The following NAPG variants were observed in gnomAD, a reference collection of about 807,000 sequenced individuals.
NAPG encodes gamma-soluble NSF attachment protein.
NAPG carries 25 observed loss-of-function variants against 48.4 expected under a neutral mutation model. The ratio of observed to expected loss-of-function variants is 0.52; its 90% CI spans 0.38 to 0.72. The LOEUF (loss-of-function observed/expected upper bound fraction) is 0.72, where lower values mean the gene tolerates loss of function less well. Among genes scored for constraint, NAPG ranks in the 30% least tolerant of loss-of-function variants. The probability of loss-of-function intolerance (pLI) is 0.00; values close to 1 mark genes in which losing one functional copy is unlikely to be tolerated. For synonymous variants in NAPG, 139 were observed against 127.2 expected (o/e 1.09, Z -0.62); for missense variants, 359 against 372.5 (o/e 0.96, Z 0.30).
intron 8 of NAPG, 99 bp downstream of exon 8, chr18:10,540,498 A>G (rs1177326264): frequency 3.1e-6 from 3 of 965,620 alleles, no homozygotes; most frequent in Non-Finnish European, 4.8e-6. Context: ...ATTTTTTGGT[A>G]TAAGCTGTAG....
rs1447342647 is a variant in NAPG at position 10,529,607 on chromosome 18, G to A, written c.57-1163G>A. ...TTCTCTACTAAAAATACAAAAATTA[G>A]CTGAGTGTGGTGGCACAAGCCTGTA... On this transcript the variant is annotated intron_variant, in intron 1 of 11. Transcript: ENST00000322897. Among the ~76,000 whole-genome samples the A allele has an allele frequency of 1.2e-4, 19 of 152,152 alleles. 1 individual carries two copies. Among genetic ancestry groups the A allele is most frequent in the Admixed American group, 1.2e-3 (18 of 15,276 alleles).
chr18:10,538,226 A>T (rs1364679688), intron 5 of NAPG, among the ~76,000 whole-genome samples: 2 of 152,192 alleles, frequency 1.3e-5, no homozygotes, highest in African/African-American at 4.8e-5. Context: ...CTCAGGGTGT[A>T]GAGGAATAAC....
intron 1 of NAPG, among the ~76,000 whole-genome samples, chr18:10,529,764 A>G (rs2031891021): frequency 6.6e-6 from 1 of 152,188 alleles, no homozygotes; most frequent in South Asian, 2.1e-4. Flanking sequence ...AGAAAAAAAA[A>G]GAAGCTATGA....
rs1483728573 is a variant in NAPG at position 10,550,243 on chromosome 18, A to G, written c.*23A>G. The G allele has an allele frequency of 6.4e-7, 1 of 1,562,814 alleles. No homozygotes were observed. The highest frequency in any genetic ancestry group is 1.4e-5 in the African/African-American group (1 of 71,706). On this transcript the variant is annotated 3_prime_UTR_variant, in exon 12 of 12. Coordinates refer to ENST00000322897, the MANE Select transcript of NAPG (RefSeq NM_003826.3). The stretch of plus-strand genomic sequence containing the variant: ...TAGTATTTTGCTTGCTGAAAAGAAA[A>G]GGGAAACAAAGGTAAAATCCTGACA...
At chr18:10,532,849 C>CT (rs1168300700) in intron 3 of NAPG, 54 bp downstream of exon 3, 6 of 1,399,792 alleles carry the variant, frequency 4.3e-6, no homozygotes, top group Non-Finnish European at 5.8e-6. Context: ...TTTTGACAAG[C>CT]TGTTTTCTCT....
chr18:10,529,619 G>A (rs935667979), intron 1 of NAPG, among the ~76,000 whole-genome samples: 3 of 152,156 alleles, frequency 2.0e-5, no homozygotes, highest in African/African-American at 7.2e-5. Flanking sequence ...TGAGTGTGGT[G>A]GCACAAGCCT....
rs112849817 is a variant in NAPG at position 10,544,075 on chromosome 18, T to C, written c.507-2251T>C. Reference sequence around the variant, plus strand: ...TGAGATTGCTAATAGAATGATATAATCTAGACACGACGGGCACAGAATATT... The same window carrying C: ...TGAGATTGCTAATAGAATGATATAACCTAGACACGACGGGCACAGAATATT... On this transcript the variant is annotated intron_variant, in intron 8 of 11. Coordinates refer to ENST00000322897, the MANE Select transcript of NAPG (RefSeq NM_003826.3). The surrounding 1 kb of genome is among the most constrained non-coding windows in gnomAD (Gnocchi z 5.1). Among the ~76,000 whole-genome samples, 5 of 152,362 alleles carry C rather than the reference T, an allele frequency of 3.3e-5. No individual in the cohort carries two copies. The highest frequency in any genetic ancestry group is 1.2e-4 in the African/African-American group (5 of 41,596).
intron 2 of NAPG, among the ~76,000 whole-genome samples, chr18:10,531,578 A>C (rs1249594699): frequency 6.6e-6 from 1 of 152,222 alleles, no homozygotes; most frequent in Non-Finnish European, 1.5e-5. Flanking sequence ...CTTTTGGTTA[A>C]ACAGCAAATG....
intron 5 of NAPG, among the ~76,000 whole-genome samples, chr18:10,536,618 TACTC>T (rs1427800325): frequency 6.6e-6 from 1 of 152,218 alleles, no homozygotes; most frequent in South Asian, 2.1e-4. Flanking sequence ...TTGGACCTCT[TACTC>T]ACAGCCTCAC....
At position 10,536,692 on chromosome 18, in the gene NAPG, C is replaced by T. The variant is rs73392637; in HGVS notation, c.258+2196C>T. 9.6e-3 allele frequency among the ~76,000 whole-genome samples: 1,466 copies of T among 152,260 alleles called. 19 individuals are homozygous for T. The highest frequency in any genetic ancestry group is 0.034 in the African/African-American group (1,397 of 41,546). ...TAATTTTTAAACAACAAATAGGACT[C>T]GGATGCCATTTTTACTGCCTTCTAA... On this transcript the variant is annotated intron_variant, in intron 5 of 11. Coordinates refer to ENST00000322897, the MANE Select transcript of NAPG (RefSeq NM_003826.3).
At position 10,530,770 on chromosome 18, in the gene NAPG, C is replaced by G; in HGVS notation, c.57C>G (p.Tyr19Ter). 6.4e-7 allele frequency: 1 copy of G among 1,556,946 alleles called. No individual in the cohort carries two copies. The highest frequency in any genetic ancestry group is 1.2e-5 in the South Asian group (1 of 81,638). ...GTTAACTGTGTTTTTTTCATTCTAGCCTGAAAACTGGTTTTTTAAAATGGA... is the reference window on the plus strand; with the variant it reads ...GTTAACTGTGTTTTTTTCATTCTAGGCTGAAAACTGGTTTTTTAAAATGGA... ...GLEHLAKAEK[Y>*]LKTGFLKWKP... Residue 19 changes from tyrosine (Y) to a stop codon, truncating the protein, a stop_gained and splice_region_variant, in exon 2 of 12, where the codon TAC becomes TAG. Coordinates refer to ENST00000322897, the MANE Select transcript of NAPG (RefSeq NM_003826.3). LOFTEE classifies it high-confidence loss of function.
At position 10,548,238 on chromosome 18, in the gene NAPG, C is replaced by A; in HGVS notation, c.586-61C>A. The A allele has an allele frequency of 8.1e-7, 1 of 1,234,060 alleles. No homozygotes were observed. Among genetic ancestry groups the A allele is most frequent in the Non-Finnish European group, 1.2e-6 (1 of 838,804 alleles). The allele number at this position is 1,234,060 out of a possible 1,614,324, so 76.4% of individuals were successfully genotyped here. On this transcript the variant is annotated intron_variant, in intron 9 of 11. Coordinates refer to ENST00000322897, the MANE Select transcript of NAPG (RefSeq NM_003826.3). This position sits in a 1 kb window ranked among gnomAD's most constrained non-coding sequence, Gnocchi z 4.4. ...TAAACTCCAGGTGTTTTCAATACTG[C>A]CAGGTTATTGACTTTATTAAACAGA...
At chr18:10,526,626 G>GCC (rs1174334407) in intron 1 of NAPG, 1 of 161,700 alleles carries the variant, frequency 6.2e-6, no homozygotes, top group Non-Finnish European at 1.3e-5. Context: ...CCCTAGAAGA[G>GCC]CCCCCTGTGT....
At chr18:10,531,568 C>G (rs1270095348) in intron 2 of NAPG, among the ~76,000 whole-genome samples, 1 of 152,180 alleles carries the variant, frequency 6.6e-6, no homozygotes, top group African/African-American at 2.4e-5. Context: ...GGGGCAAGTG[C>G]TTTTGGTTAA....
In NAPG at chr18:10,551,865, AT is replaced by A. The variant is rs2032403392; in HGVS notation, c.*1648del. 6.6e-6 allele frequency: 1 copy of A among 151,990 alleles called. No homozygotes were observed. Among genetic ancestry groups the A allele is most frequent in the Non-Finnish European group, 1.5e-5 (1 of 67,964 alleles). The allele number at this position is 151,990 out of a possible 1,614,324, so 9.4% of individuals were successfully genotyped here. On this transcript the variant is annotated 3_prime_UTR_variant, in exon 12 of 12. Transcript: ENST00000322897. ...ATAAATTTAATGTTTTTCTTCCTTA[AT>A]TTATTGGCATAGTTCTTCAGGTAGC... is the stretch of plus-strand genomic sequence containing the variant.
At chr18:10,538,261 TGGAGGG>T (rs1274844268) in intron 5 of NAPG, among the ~76,000 whole-genome samples, 1 of 152,050 alleles carries the variant, frequency 6.6e-6, no homozygotes, top group Non-Finnish European at 1.5e-5. Context: ...AGCTGGGACG[TGGAGGG>T]CATTTGGAAG....
chr18:10,549,716 T>G (rs2032345650), intron 11 of NAPG, among the ~76,000 whole-genome samples: 1 of 152,230 alleles, frequency 6.6e-6, no homozygotes, highest in Non-Finnish European at 1.5e-5. Context: ...CTGTTTGGCC[T>G]TAGGCCTTTA....
chr18:10,541,080 C>A (rs553913923), intron 8 of NAPG, among the ~76,000 whole-genome samples: 31 of 152,184 alleles, frequency 2.0e-4, no homozygotes, highest in Admixed American at 3.3e-4. Context: ...GTCAAGGAAT[C>A]AAAATAGAAA....
intron 1 of NAPG, among the ~76,000 whole-genome samples, chr18:10,527,437 A>C (rs1466120174): frequency 6.6e-6 from 1 of 152,188 alleles, no homozygotes; most frequent in Non-Finnish European, 1.5e-5. Context: ...CGAGGCAGTC[A>C]GCGTGTAAGG....
Sources: allele counts gnomAD v4.1 joint callset (sites outside exome capture counted in the v4.1 genomes callset), GRCh38; gene constraint gnomAD v4.1.1; non-coding constraint Gnocchi (gnomAD v3.1); transcripts MANE v1.5; gene names NCBI Gene and HGNC (gene_info 2026-07-23, HGNC 2026-07-21).